KIF15: variants seen among roughly 807,000 people sequenced by gnomAD.
KIF15 encodes kinesin-like protein KIF15.
KIF15 carries 140 observed loss-of-function variants against 190.6 expected under a neutral mutation model. That is an observed-to-expected ratio of 0.73 (90% confidence interval 0.64 to 0.84). KIF15 has a LOEUF of 0.84. Among genes scored for constraint, KIF15 ranks in the 40% least tolerant of loss-of-function variants. KIF15 has a pLI of 0.00. For missense variants in KIF15, 1,372 were observed against 1,584.4 expected (o/e 0.87, Z 2.28); for synonymous variants, 528 against 551.3 (o/e 0.96, Z 0.59).
intron 20 of KIF15, among the ~76,000 whole-genome samples, chr3:44,824,714 C>G (rs1697547431): frequency 6.6e-6 from 1 of 152,086 alleles, no homozygotes; most frequent in Non-Finnish European, 1.5e-5. Flanking sequence ...CTATATTTTG[C>G]TACATACTTA....
chr3:44,828,336 T>G (rs1441904274), intron 24 of KIF15, 36 bp downstream of exon 24: 1 of 1,442,580 alleles, frequency 6.9e-7, no homozygotes, highest in East Asian at 2.3e-5. Context: ...CTCTGTGCAT[T>G]TTCTTATAAA....
chr3:44,829,591 A>ATG, intron 24 of KIF15, among the ~76,000 whole-genome samples: 2 of 131,252 alleles, frequency 1.5e-5, no homozygotes, highest in African/African-American at 5.9e-5. Context: ...TATATATTAT[A>ATG]TATTATATAT....
intron 20 of KIF15, among the ~76,000 whole-genome samples, chr3:44,823,142 T>C (rs1014602623): frequency 2.6e-5 from 4 of 152,162 alleles, no homozygotes; most frequent in African/African-American, 9.7e-5. Context: ...ATTTTTGTGG[T>C]TTTATCTACC....
At chr3:44,861,418 C>G (rs924745756) in intron 6 of KIF15, among the ~76,000 whole-genome samples, 1 of 152,240 alleles carries the variant, frequency 6.6e-6, no homozygotes, top group Non-Finnish European at 1.5e-5. Context: ...CTGTGATGCG[C>G]TTGTCCCCAT....
At chr3:44,786,345 G>A (rs966730566) in intron 6 of KIF15, 50 bp from the exon 7 acceptor site, 5 of 1,476,302 alleles carry the variant, frequency 3.4e-6, no homozygotes, top group Non-Finnish European at 4.6e-6. Context: ...ATGAAAACTA[G>A]GTATGAACAC....
chr3:44,783,103 G>C (rs1430482216), intron 5 of KIF15, among the ~76,000 whole-genome samples: 1 of 152,180 alleles, frequency 6.6e-6, no homozygotes, highest in East Asian at 1.9e-4. Context: ...CAGTGGGTTA[G>C]GCAAGAGATG....
At chr3:44,862,804 C>T (rs1165487784) in intron 6 of KIF15, 1 of 152,026 alleles carries the variant, frequency 6.6e-6, no homozygotes, top group Non-Finnish European at 1.5e-5. Context: ...AGGTTAGCCT[C>T]TGACCTGGAC....
chr3:44,832,404 G>T (rs989968225), intron 26 of KIF15, among the ~76,000 whole-genome samples: 2 of 152,166 alleles, frequency 1.3e-5, no homozygotes, highest in African/African-American at 4.8e-5. Flanking sequence ...GGGGATAGGG[G>T]GTGAGATAGA....
At chr3:44,791,532 A>G (rs1309375528) in intron 7 of KIF15, among the ~76,000 whole-genome samples, 1 of 152,210 alleles carries the variant, frequency 6.6e-6, no homozygotes, top group Non-Finnish European at 1.5e-5. Flanking sequence ...TGTTGAATCT[A>G]TCAATTATTT....
intron 20 of KIF15, among the ~76,000 whole-genome samples, chr3:44,815,568 G>C (rs1212597932): frequency 6.6e-6 from 1 of 152,166 alleles, no homozygotes; most frequent in African/African-American, 2.4e-5. Flanking sequence ...GGAGGGAAAG[G>C]TGTGCTCTTA....
At chr3:44,819,040 T>G (rs1438762848) in intron 20 of KIF15, among the ~76,000 whole-genome samples, 3 of 152,188 alleles carry the variant, frequency 2.0e-5, no homozygotes. Flanking sequence ...TAGAGGTGTT[T>G]ATAGTATTCT....
intron 26 of KIF15, among the ~76,000 whole-genome samples, chr3:44,835,014 TAAAC>T (rs1442657271): frequency 6.7e-6 from 1 of 149,972 alleles, no homozygotes; most frequent in African/African-American, 2.4e-5. Flanking sequence ...TAATATTAAA[TAAAC>T]AGTTTAAAAA....
chr3:44,825,956 G>T (rs527274057), intron 20 of KIF15, 83 bp from the exon 21 acceptor site: 1 of 1,254,990 alleles, frequency 8.0e-7, no homozygotes, highest in African/African-American at 1.5e-5. Context: ...CTGTAGATGA[G>T]ATAAATTGAA....
intron 1 of KIF15, among the ~76,000 whole-genome samples, chr3:44,773,794 T>C (rs1705746172): frequency 6.6e-6 from 1 of 152,188 alleles, no homozygotes; most frequent in African/African-American, 2.4e-5. Flanking sequence ...GATTTTTTGG[T>C]CCTTAGCTCA....
chr3:44,844,677 G>A (rs182110209), intron 30 of KIF15, among the ~76,000 whole-genome samples: 3 of 152,220 alleles, frequency 2.0e-5, no homozygotes, highest in Non-Finnish European at 2.9e-5. Flanking sequence ...TAAATAGCCC[G>A]AATAGCTACA....
chr3:44,815,162 C>T lies in KIF15; in HGVS notation c.2549+86C>T, dbSNP rs1016062140. The stretch of plus-strand genomic sequence containing the variant: ...AGTTGGAAGTGTTATAAACTCAACT[C>T]AAAGCAGTTAGACAAATAAAAAAGA... On this transcript the variant is annotated intron_variant, in intron 20 of 34. Coordinates refer to ENST00000326047, the MANE Select transcript of KIF15 (RefSeq NM_020242.3). 3 of 1,116,174 alleles carry T rather than the reference C, an allele frequency of 2.7e-6. No homozygotes were observed. In the African/African-American group the frequency reaches 4.9e-5, roughly 18 times the overall value. 69.1% of individuals were successfully genotyped at this position (1,116,174 alleles called of 1,614,324 possible). A position where few individuals can be genotyped will look rare whatever the true frequency, so the allele number is the denominator to read the frequency against.
rs1707133999 is a variant in KIF15, at chr3:44,799,123, T to C, written c.1098+1167T>C. The C allele has an allele frequency of 1.1e-5, 4 of 378,398 alleles. No homozygotes were observed. In the Admixed American group the frequency reaches 1.1e-4, roughly 10 times the overall value. The allele number at this position is 378,398 out of a possible 1,614,324, so 23.4% of individuals were successfully genotyped here. A position where few individuals can be genotyped will look rare whatever the true frequency, so the allele number is the denominator to read the frequency against. On this transcript the variant is annotated intron_variant, in intron 10 of 34. Coordinates refer to ENST00000326047, the MANE Select transcript of KIF15 (RefSeq NM_020242.3). ...GATTTACTAGAAGTCTTTGGAGATA[T>C]AGAACTGCAGCAATAATTAGAATTA...
At chr3:44,786,923 G>T (rs1706435952) in intron 7 of KIF15, among the ~76,000 whole-genome samples, 2 of 152,126 alleles carry the variant, frequency 1.3e-5, no homozygotes, top group Non-Finnish European at 2.9e-5. Context: ...TACGTTGCTT[G>T]CTTGTTAGGT....
At chr3:44,825,661 T>C (rs1697600953) in intron 20 of KIF15, among the ~76,000 whole-genome samples, 1 of 152,258 alleles carries the variant, frequency 6.6e-6, no homozygotes, top group African/African-American at 2.4e-5. Flanking sequence ...TCAATAAAAC[T>C]TGGAAATTAA....
Sources: allele counts gnomAD v4.1 joint callset (sites outside exome capture counted in the v4.1 genomes callset), GRCh38; gene constraint gnomAD v4.1.1; transcripts MANE v1.5; gene names NCBI Gene and HGNC (gene_info 2026-07-23, HGNC 2026-07-21).